PCDH8: variants seen among roughly 807,000 people sequenced by gnomAD.
The protein encoded by PCDH8 is protocadherin 8, also known as protocadherin-8.
PCDH8 carries 36 observed loss-of-function variants against 58.2 expected under a neutral mutation model. The observed-to-expected ratio is 0.62, with a 90% CI of 0.47 to 0.82. PCDH8 has a LOEUF of 0.82. PCDH8 is among the 40% of genes least tolerant of loss of function. PCDH8 has a pLI of 0.00. For missense variants in PCDH8, 1,493 were observed against 1,567.8 expected, an observed-to-expected ratio of 0.95 and a Z score of 0.81; for synonymous variants, 775 against 728.9, an observed-to-expected ratio of 1.06 and a Z score of -1.02.
At position 52,848,470 on chromosome 13, in the gene PCDH8, G is replaced by T. The variant is rs1378101092; in HGVS notation, c.-34C>A. On this transcript the variant is annotated 5_prime_UTR_variant, in exon 1 of 3. Transcript: ENST00000377942. ...CCTCAAGTGCGATCCGAAAGGCTAA[G>T]GAAGTCTTCTCTGGTTTCCAGGTCG... The T allele has an allele frequency of 4.5e-6, 7 of 1,542,612 alleles. No individual in the cohort carries two copies. In the South Asian group the frequency reaches 6.1e-5, roughly 14 times the overall value.
At position 52,845,600 on chromosome 13, in the gene PCDH8, C is replaced by T. The variant is rs1566264173; in HGVS notation, c.2664G>A (p.Glu888=). 6.2e-7 allele frequency: 1 copy of T among 1,614,090 alleles called. No homozygotes were observed. The highest frequency in any genetic ancestry group is 8.5e-7 in the Non-Finnish European group (1 of 1,180,032). Residue 888 remains glutamate (E), a synonymous_variant, in exon 2 of 3, where the codon GAG becomes GAA. Coordinates refer to ENST00000377942, the MANE Select transcript of PCDH8 (RefSeq NM_002590.4). ...TCCACACCGCCACAGGGGGCGCCGGCTCCTTTCCAAAACCCGGGGAGGCAC... is the reference window on the plus strand; with the variant it reads ...TCCACACCGCCACAGGGGGCGCCGGTTCCTTTCCAAAACCCGGGGAGGCAC... ...PYGASPGFGK[E]PAPPVAVWKG... is the part of the protein sequence containing the mutation.
chr13:52,846,833 C>T lies in PCDH8; in HGVS notation c.1604G>A (p.Arg535Gln), dbSNP rs1193644898. The T allele has an allele frequency of 1.3e-6, 2 of 1,549,220 alleles. No individual in the cohort carries two copies. Among genetic ancestry groups the T allele is most frequent in the Non-Finnish European group, 1.7e-6 (2 of 1,153,436 alleles). Residue 535 changes from arginine to glutamine, a missense_variant, in exon 1 of 3, where the codon CGG becomes CAG. This residue lies in a region of PCDH8 where 1,307 missense variants were observed against 1,362.7 expected (regional missense o/e 0.96). Coordinates refer to ENST00000377942, the MANE Select transcript of PCDH8 (RefSeq NM_002590.4). ...GCGGCCCACCTCGGCCTCCAGCAGC[C>T]GGTAGGTGACCTGGCCGTTGCGGCC... ...DLGRNGQVTY[R>Q]LLEAEVGRAG...
Position 52,847,504 on chromosome 13 carries a change from G to A in PCDH8, c.933C>T (p.Pro311=), listed in dbSNP as rs1477992278. The A allele has an allele frequency of 6.3e-7, 1 of 1,587,546 alleles. No homozygotes were observed. Among genetic ancestry groups the A allele is most frequent in the South Asian group, 1.1e-5 (1 of 88,436 alleles). The change falls in exon 1 of 3, where the codon CCC becomes CCT. Residue 311 remains proline (P), a synonymous_variant. Transcript: ENST00000377942. ...AGGTGTCCTGACGCTCGTAGTCCAC[G>A]GGCCCGGCCAGGGTGAGGCGGCCTG... The part of the protein sequence containing the change: ...PRSGRLTLAG[P]VDYERQDTYE...
chr13:52,846,153 G>A lies in PCDH8; in HGVS notation c.2284C>T (p.Leu762=), dbSNP rs1027293831. 1.3e-6 allele frequency: 2 copies of A among 1,585,044 alleles called. No homozygotes were observed. The highest frequency in any genetic ancestry group is 1.4e-5 in the African/African-American group (1 of 72,332). Residue 762 remains leucine (L), a synonymous_variant, in exon 1 of 3, where the codon CTG becomes TTG. Coordinates refer to ENST00000377942, the MANE Select transcript of PCDH8 (RefSeq NM_002590.4). ...ATGGCGATGATGGCGGCCAGCAGCA[G>A]CGTGCAGCTCCCGGCCAGCACGATG... The part of the protein sequence containing the change: ...VIIVLAGSCT[L]LLAAIIAIAT...
At position 52,847,596 on chromosome 13, in the gene PCDH8, C is replaced by A. The variant is rs764181292; in HGVS notation, c.841G>T (p.Val281Leu). Reference sequence around the variant, plus strand: ...GTGCGGGCGCCAAATGCGAACACCACGTCGCCGTTAGGTCCCTCGTCGGGG... The same window carrying A: ...GTGCGGGCGCCAAATGCGAACACCAAGTCGCCGTTAGGTCCCTCGTCGGGG... ...ADPDEGPNGD[V>L]VFAFGARTPP... Residue 281 changes from valine (V) to leucine (L), a missense_variant, in exon 1 of 3, where the codon GTG becomes TTG. Transcript: ENST00000377942. 1.9e-6 allele frequency: 3 copies of A among 1,567,424 alleles called. No individual in the cohort carries two copies. Among genetic ancestry groups the A allele is most frequent in the Admixed American group, 1.8e-5 (1 of 55,546 alleles).
rs1430038396 is a variant in PCDH8 at position 52,845,924 on chromosome 13, T to A, written c.2513A>T (p.Asp838Val). 1.4e-6 allele frequency: 2 copies of A among 1,480,718 alleles called. No homozygotes were observed. The highest frequency in any genetic ancestry group is 2.7e-5 in the East Asian group (1 of 36,796). 91.7% of individuals were successfully genotyped at this position (1,480,718 alleles called of 1,614,324 possible). Residue 838 changes from aspartate (D) to valine (V), a missense_variant, in exon 1 of 3, where the codon GAC (aspartate) becomes GTC (valine). Transcript: ENST00000377942. ...GKAPFGSPAADAPPPAVAAAE... is the reference protein window; with the variant it reads ...GKAPFGSPAAVAPPPAVAAAE... ...CGCGGCGACCGCAGGCGGAGGCGCG[T>A]CCGCCGCGGGGCTGCCAAAGGGCGC...
rs752171121 is a variant in PCDH8, at chr13:52,847,661, G to A, written c.776C>T (p.Ala259Val). The A allele has an allele frequency of 1.3e-6, 2 of 1,569,250 alleles. No homozygotes were observed. The highest frequency in any genetic ancestry group is 1.2e-5 in the South Asian group (1 of 86,460). ...AVAEVELAED[A>V]PVGSLLLDLD... ...GTCGAGAAGCAGGGAGCCCACGGGCGCGTCTTCCGCCAGCTCCACTTCGGC... is the reference window on the plus strand; with the variant it reads ...GTCGAGAAGCAGGGAGCCCACGGGCACGTCTTCCGCCAGCTCCACTTCGGC... The change falls in exon 1 of 3, where the codon GCG (alanine) becomes GTG (valine). Residue 259 changes from alanine to valine, a missense_variant. Transcript: ENST00000377942.
In PCDH8 at chr13:52,843,334, C is replaced by T. The variant is rs1228870021; in HGVS notation, c.*1226G>A. ...GACAATTATCAATATCTTATCAAAT[C>T]GATCTTGTTTCACATAGCTCCCTGT... is the stretch of plus-strand genomic sequence containing the variant. On this transcript the variant is annotated 3_prime_UTR_variant, in exon 3 of 3. Transcript: ENST00000377942. 3 of 152,118 alleles carry T rather than the reference C, an allele frequency of 2.0e-5. No homozygotes were observed. Among genetic ancestry groups the T allele is most frequent in the East Asian group, 3.8e-4 (2 of 5,208 alleles). The allele number at this position is 152,118 out of a possible 1,614,324, so 9.4% of individuals were successfully genotyped here. A position where few individuals can be genotyped will look rare whatever the true frequency, so the allele number is the denominator to read the frequency against.
chr13:52,847,163 C>A lies in PCDH8; in HGVS notation c.1274G>T (p.Gly425Val). The change falls in exon 1 of 3, where the codon GGG (glycine) becomes GTG (valine). Residue 425 changes from glycine to valine, a missense_variant. Around this residue, in one of 3 missense-constraint regions of PCDH8, gnomAD observed 1,307 missense variants for 1,362.7 expected, o/e 0.96. Coordinates refer to ENST00000377942, the MANE Select transcript of PCDH8 (RefSeq NM_002590.4). Reference sequence around the variant, plus strand: ...CCCATAGAGGGCGCAGCGCACTTGCCCGTTGGCGCCCGAGTCCCTGTCCGA... The same window carrying A: ...CCCATAGAGGGCGCAGCGCACTTGCACGTTGGCGCCCGAGTCCCTGTCCGA... ...STSDRDSGAN[G>V]QVRCALYGHE... 1 of 1,498,312 alleles carries A rather than the reference C, an allele frequency of 6.7e-7. No homozygotes were observed. Among genetic ancestry groups the A allele is most frequent in the East Asian group, 2.7e-5 (1 of 37,712 alleles). 92.8% of individuals were successfully genotyped at this position (1,498,312 alleles called of 1,614,324 possible).
Position 52,844,050 on chromosome 13 carries a change from A to G in PCDH8, c.*510T>C, listed in dbSNP as rs1965693634. 6.5e-6 allele frequency: 1 copy of G among 152,680 alleles called. No individual in the cohort carries two copies. The highest frequency in any genetic ancestry group is 1.5e-5 in the Non-Finnish European group (1 of 68,074). 9.5% of individuals were successfully genotyped at this position (152,680 alleles called of 1,614,324 possible). ...TTTACGGAAAACCAAATGTAATTAA[A>G]TAACATTGAACTTGAAATCTACCAC... On this transcript the variant is annotated 3_prime_UTR_variant, in exon 3 of 3. Coordinates refer to ENST00000377942, the MANE Select transcript of PCDH8 (RefSeq NM_002590.4).
chr13:52,846,000 C>G lies in PCDH8; in HGVS notation c.2437G>C (p.Gly813Arg), dbSNP rs965973986. The G allele has an allele frequency of 2.7e-6, 4 of 1,468,510 alleles. No individual in the cohort carries two copies. In the Admixed American group the frequency reaches 8.6e-5, roughly 32 times the overall value. The allele number at this position is 1,468,510 out of a possible 1,614,324, so 91.0% of individuals were successfully genotyped here. A position where few individuals can be genotyped will look rare whatever the true frequency, so the allele number is the denominator to read the frequency against. Residue 813 changes from glycine to arginine, a missense_variant, in exon 1 of 3, where the codon GGG becomes CGG. Gly to Arg is a moderately radical substitution (Grantham distance 125, BLOSUM62 -2). Transcript: ENST00000377942. ...ACGTCGAACATGTTGGGCCTGGGCCCGGCTCCCCGGGCGGCCTCCTCCGGG... is the reference window on the plus strand; with the variant it reads ...ACGTCGAACATGTTGGGCCTGGGCCGGGCTCCCCGGGCGGCCTCCTCCGGG... ...GSPEEAARGA[G>R]PRPNMFDVLT...
Position 52,844,424 on chromosome 13 carries a change from T to C in PCDH8, c.*136A>G. The C allele has an allele frequency of 5.9e-6, 4 of 674,554 alleles. No homozygotes were observed. The highest frequency in any genetic ancestry group is 7.2e-6 in the Non-Finnish European group (3 of 416,374). 41.8% of individuals were successfully genotyped at this position (674,554 alleles called of 1,614,324 possible). On this transcript the variant is annotated 3_prime_UTR_variant, in exon 3 of 3. Coordinates refer to ENST00000377942, the MANE Select transcript of PCDH8 (RefSeq NM_002590.4). ...GTTTGCAAATACCAAACAGTACCAA[T>C]GTGATTGGAAATAGCTTCCAACAAC...
At position 52,844,547 on chromosome 13, in the gene PCDH8, A is replaced by G. The variant is rs200012830; in HGVS notation, c.*13T>C. On this transcript the variant is annotated 3_prime_UTR_variant, in exon 3 of 3. Coordinates refer to ENST00000377942, the MANE Select transcript of PCDH8 (RefSeq NM_002590.4). ...GAGTGACCTGTATATGTGTGAAGAC[A>G]TGCAGCATGGGATTACACATTTTCA... The G allele has an allele frequency of 1.1e-4, 167 of 1,561,810 alleles. No homozygotes were observed. In the East Asian group the frequency reaches 3.7e-3, roughly 34 times the overall value.
Position 52,845,432 on chromosome 13 carries a change from C to A in PCDH8, c.2832G>T (p.Met944Ile). Residue 944 changes from methionine (M) to isoleucine (I), a missense_variant, in exon 2 of 3, where the codon ATG becomes ATT. Coordinates refer to ENST00000377942, the MANE Select transcript of PCDH8 (RefSeq NM_002590.4). ...DALKKDLINH[M>I]QSGLWACTAE... ...GGAAAGAAGAGTCCTCACCACTCTG[C>A]ATGTGGTTGATGAGATCCTTTTTCA... 2 of 1,613,714 alleles carry A rather than the reference C, an allele frequency of 1.2e-6. No homozygotes were observed. Among genetic ancestry groups the A allele is most frequent in the South Asian group, 2.2e-5 (2 of 91,068 alleles).
chr13:52,848,181 C>A lies in PCDH8; in HGVS notation c.256G>T (p.Gly86Trp), dbSNP rs113194848. 2 of 1,612,608 alleles carry A rather than the reference C, an allele frequency of 1.2e-6. No homozygotes were observed. The highest frequency in any genetic ancestry group is 1.7e-6 in the Non-Finnish European group (2 of 1,179,622). ...CGCTCGCGGTCCAGGCCGGCGTCCC[C>A]GACGGTCAGCTGCCCGTCGCCTTCG... ...VREGDGQLTV[G>W]DAGLDRERLC... Residue 86 changes from glycine to tryptophan, a missense_variant, in exon 1 of 3, where the codon GGG becomes TGG. This residue lies in a region of PCDH8 where 1,307 missense variants were observed against 1,362.7 expected (regional missense o/e 0.96). Coordinates refer to ENST00000377942, the MANE Select transcript of PCDH8 (RefSeq NM_002590.4).
Position 52,846,493 on chromosome 13 carries a change from C to G in PCDH8, c.1944G>C (p.Glu648Asp), listed in dbSNP as rs1313434680. The change falls in exon 1 of 3, where the codon GAG (glutamate) becomes GAC (aspartate). Residue 648 changes from glutamate (E) to aspartate (D), a missense_variant. By Grantham distance (45) the Glu-to-Asp change is conservative. This residue lies in a region of PCDH8 where 1,307 missense variants were observed against 1,362.7 expected (regional missense o/e 0.96). Transcript: ENST00000377942. ...ARDADEGANG[E>D]LAFELQQQEP... ...CCTGCTGCTGCAGCTCGAACGCCAGCTCCCCGTTGGCTCCCTCGTCTGCAT... is the reference window on the plus strand; with the variant it reads ...CCTGCTGCTGCAGCTCGAACGCCAGGTCCCCGTTGGCTCCCTCGTCTGCAT... 33 of 1,597,694 alleles carry G rather than the reference C, an allele frequency of 2.1e-5. No homozygotes were observed. The highest frequency in any genetic ancestry group is 2.7e-5 in the Non-Finnish European group (32 of 1,179,008).
Position 52,847,054 on chromosome 13 carries a change from G to A in PCDH8, c.1383C>T (p.Ala461=). The A allele has an allele frequency of 6.4e-7, 1 of 1,565,656 alleles. No homozygotes were observed. Among genetic ancestry groups the A allele is most frequent in the Non-Finnish European group, 8.6e-7 (1 of 1,158,808 alleles). Residue 461 remains alanine, a synonymous_variant, in exon 1 of 3, where the codon GCC becomes GCT. Transcript: ENST00000377942. ...CGGCCACCAGCGTCAAGTTGTACTC[G>A]GCGATGCGTTCGCGGTCCAGCGACG... ...TAASLDRERI[A]EYNLTLVAED...
At position 52,846,531 on chromosome 13, in the gene PCDH8, C is replaced by T. The variant is rs1965740571; in HGVS notation, c.1906G>A (p.Val636Met). 6.3e-7 allele frequency: 1 copy of T among 1,598,072 alleles called. No homozygotes were observed. Among genetic ancestry groups the T allele is most frequent in the African/African-American group, 1.3e-5 (1 of 74,852 alleles). The stretch of plus-strand genomic sequence containing the variant: ...CCCTCGTCTGCATCCCGGGCCTGCA[C>T]ACGGGCCACAACCGTGTCCTTTGCG... ...RTAKDTVVAR[V>M]QARDADEGAN... Residue 636 changes from valine to methionine, a missense_variant, in exon 1 of 3, where the codon GTG becomes ATG. Physicochemically the swap from Val to Met is conservative, Grantham distance 21. Around this residue, in one of 3 missense-constraint regions of PCDH8, gnomAD observed 1,307 missense variants for 1,362.7 expected, o/e 0.96. Transcript: ENST00000377942.
Position 52,847,970 on chromosome 13 carries a change from A to G in PCDH8, c.467T>C (p.Leu156Ser). 2 of 1,610,946 alleles carry G rather than the reference A, an allele frequency of 1.2e-6. No homozygotes were observed. Among genetic ancestry groups the G allele is most frequent in the Non-Finnish European group, 1.7e-6 (2 of 1,178,712 alleles). ...EGAAVGTRIP[L>S]EVPVDEDVGA... ...CACGTCCTCGTCCACCGGCACCTCC[A>G]AGGGGATGCGCGTGCCCACTGCCGC... Residue 156 changes from leucine (L) to serine (S), a missense_variant, in exon 1 of 3, where the codon TTG (leucine) becomes TCG (serine). Around this residue, in one of 3 missense-constraint regions of PCDH8, gnomAD observed 1,307 missense variants for 1,362.7 expected, o/e 0.96. Coordinates refer to ENST00000377942, the MANE Select transcript of PCDH8 (RefSeq NM_002590.4).
Sources: allele counts gnomAD v4.1 joint callset, GRCh38; gene constraint gnomAD v4.1.1; regional missense constraint gnomAD v4.1.1; transcripts MANE v1.5; gene names NCBI Gene and HGNC (gene_info 2026-07-23, HGNC 2026-07-21).